The following GREB1L variants were observed in gnomAD, a reference collection of about 807,000 sequenced individuals.
GREB1L encodes the protein GREB1-like protein.
A neutral mutation model predicts 200.8 loss-of-function variants in GREB1L; 17 were observed. That is an observed-to-expected ratio of 0.08 (90% CI 0.06 to 0.13). GREB1L has a LOEUF of 0.13. Among genes scored for constraint, GREB1L ranks in the 10% least tolerant of loss-of-function variants. The pLI is 1.00. For synonymous variants in GREB1L, 789 were observed against 893.0 expected, an observed-to-expected ratio of 0.88 and a Z score of 2.08; for missense variants, 1,657 against 2,367.7, an observed-to-expected ratio of 0.70 and a Z score of 6.23.
chr18:21,350,030 TC>T (rs2039410461), intron 1 of GREB1L, among the ~76,000 whole-genome samples: 2 of 152,068 alleles, frequency 1.3e-5, no homozygotes, highest in Non-Finnish European at 2.9e-5. Context: ...AGTTGCTACA[TC>T]CTATGAGCTT....
rs367732991 is a variant in GREB1L at position 21,516,714 on chromosome 18, T to G, written c.5231T>G (p.Val1744Gly). 1.9e-6 allele frequency: 3 copies of G among 1,551,414 alleles called. No individual in the cohort carries two copies. The African/African-American group carries it at 4.1e-5, about 21-fold the overall frequency. Residue 1744 changes from valine to glycine, a missense_variant, in exon 30 of 33, where the codon GTT (valine) becomes GGT (glycine). Transcript: ENST00000424526. Reference sequence around the variant, plus strand: ...AGTCTCATGAAGAAACATGTTCAGGTTGGAGGGCAAAGGGACTTTATCATT... The same window carrying G: ...AGTCTCATGAAGAAACATGTTCAGGGTGGAGGGCAAAGGGACTTTATCATT... ...NFSLMKKHVQ[V>G]GGQRDFIIKP...
intron 28 of GREB1L, among the ~76,000 whole-genome samples, chr18:21,515,183 A>C (rs192837655): frequency 5.6e-4 from 86 of 152,286 alleles, no homozygotes; most frequent in Middle Eastern, 3.4e-3. Flanking sequence ...CACAGGCCGG[A>C]TTTCTTTCTT....
intron 7 of GREB1L, among the ~76,000 whole-genome samples, chr18:21,424,380 C>T (rs1004859179): frequency 1.3e-5 from 2 of 152,110 alleles, no homozygotes; most frequent in Non-Finnish European, 2.9e-5. Context: ...CCAGCCTGGC[C>T]AACATGGCAA....
chr18:21,435,114 T>C (rs2033453148), intron 7 of GREB1L: 1 of 152,738 alleles, frequency 6.5e-6, no homozygotes, highest in African/African-American at 2.4e-5. Context: ...GGTAAATACA[T>C]AGTCCATAAA....
intron 1 of GREB1L, among the ~76,000 whole-genome samples, chr18:21,287,697 G>A (rs2038379562): frequency 6.6e-6 from 1 of 152,062 alleles, no homozygotes; most frequent in African/African-American, 2.4e-5. Flanking sequence ...CTCTAGGGAA[G>A]TGGAGGAAGA....
intron 1 of GREB1L, among the ~76,000 whole-genome samples, chr18:21,303,405 A>T (rs1413420700): frequency 1.3e-5 from 2 of 152,346 alleles, no homozygotes; most frequent in East Asian, 3.9e-4. Flanking sequence ...TTTTTAAAAA[A>T]ATTCTGAAAT....
intron 4 of GREB1L, among the ~76,000 whole-genome samples, chr18:21,389,333 G>GTTTTTTTT (rs78492131): frequency 1.8e-4 from 17 of 95,640 alleles, no homozygotes; most frequent in East Asian, 8.8e-4. Flanking sequence ...TATGGGGTGG[G>GTTTTTTTT]TTTTTTTTTT....
chr18:21,281,593 GTTAA>G (rs539280024), intron 1 of GREB1L, among the ~76,000 whole-genome samples: 1 of 152,190 alleles, frequency 6.6e-6, no homozygotes, highest in South Asian at 2.1e-4. Context: ...TTTTCAAAAT[GTTAA>G]TTAATATTTG....
At chr18:21,410,734 TA>T (rs113606744) in intron 7 of GREB1L, among the ~76,000 whole-genome samples, 30 of 143,916 alleles carry the variant, frequency 2.1e-4, no homozygotes, top group South Asian at 4.4e-4. Flanking sequence ...CACCATAGAG[TA>T]AAAAAAAAAG....
chr18:21,457,683 A>G (rs1274116244), intron 15 of GREB1L, among the ~76,000 whole-genome samples: 1 of 152,240 alleles, frequency 6.6e-6, no homozygotes, highest in Non-Finnish European at 1.5e-5. Context: ...TTACAAAAAA[A>G]GTATTTATTT....
chr18:21,243,318 C>G (rs988066044), intron 1 of GREB1L, among the ~76,000 whole-genome samples: 1 of 152,222 alleles, frequency 6.6e-6, no homozygotes, highest in Non-Finnish European at 1.5e-5. Flanking sequence ...GGAACTGCCG[C>G]TGCCTCTAAC....
chr18:21,347,138 C>T (rs2039357849), intron 1 of GREB1L, among the ~76,000 whole-genome samples: 1 of 151,828 alleles, frequency 6.6e-6, no homozygotes, highest in African/African-American at 2.4e-5. Context: ...ATTAGCTGGG[C>T]GTGGTGGTGG....
intron 27 of GREB1L, chr18:21,508,815 T>C (rs1032297363): frequency 1.2e-5 from 7 of 563,248 alleles, no homozygotes; most frequent in Non-Finnish European, 1.9e-5. Flanking sequence ...GGACTGGTAA[T>C]TAAGGAAGAA....
chr18:21,501,755 T>A (rs2036803694), intron 23 of GREB1L, among the ~76,000 whole-genome samples: 1 of 152,230 alleles, frequency 6.6e-6, no homozygotes, highest in Non-Finnish European at 1.5e-5. Flanking sequence ...CCATAGGCTC[T>A]GAGTGAAGGC....
At chr18:21,267,271 TC>T (rs572449912) in intron 1 of GREB1L, among the ~76,000 whole-genome samples, 36 of 137,802 alleles carry the variant, frequency 2.6e-4, no homozygotes, top group African/African-American at 9.5e-4. Flanking sequence ...AACCTCTGCC[TC>T]CCGGGTTCAA....
At chr18:21,521,837 C>G (rs2037604314) in intron 32 of GREB1L, among the ~76,000 whole-genome samples, 1 of 151,772 alleles carries the variant, frequency 6.6e-6, no homozygotes. Context: ...AACTCCGTCT[C>G]TACTAAAATA....
At chr18:21,435,699 T>C (rs1317599797) in intron 7 of GREB1L, among the ~76,000 whole-genome samples, 3 of 152,164 alleles carry the variant, frequency 2.0e-5, no homozygotes. Flanking sequence ...TTGGACTTGA[T>C]AGAACCATAA....
intron 7 of GREB1L, among the ~76,000 whole-genome samples, chr18:21,408,882 G>T (rs972931704): frequency 2.4e-4 from 37 of 152,030 alleles, no homozygotes; most frequent in Non-Finnish European, 3.2e-4. Flanking sequence ...GTGTCTGTGG[G>T]TGTGGAGAAG....
At chr18:21,438,975 A>AAAAAAAAAAAAAAAG (rs1426583915) in intron 7 of GREB1L, among the ~76,000 whole-genome samples, 1 of 144,974 alleles carries the variant, frequency 6.9e-6, no homozygotes, top group Non-Finnish European at 1.5e-5. Flanking sequence ...AAAAAAAAAA[A>AAAAAAAAAAAAAAAG]AAAAGAAAAG....
Sources: allele counts gnomAD v4.1 joint callset (sites outside exome capture counted in the v4.1 genomes callset), GRCh38; gene constraint gnomAD v4.1.1; transcripts MANE v1.5; gene names NCBI Gene and HGNC (gene_info 2026-07-23, HGNC 2026-07-21).